Variants in CTDP1 observed in about 807,000 individuals in gnomAD.
CTDP1 encodes the protein RNA polymerase II subunit A C-terminal domain phosphatase.
CTDP1 carries 47 observed loss-of-function variants against 91.8 expected under a neutral mutation model. The ratio of observed to expected loss-of-function variants is 0.51; its 90% CI spans 0.41 to 0.65. The LOEUF (loss-of-function observed/expected upper bound fraction) is 0.65, where lower values mean the gene tolerates loss of function less well. CTDP1 is among the 30% of genes least tolerant of loss of function. The pLI, the probability that CTDP1 is intolerant of heterozygous loss-of-function variation, is 0.00. For missense variants in CTDP1, 1,272 were observed against 1,373.7 expected, an observed-to-expected ratio of 0.93 and a Z score of 1.17; for synonymous variants, 656 against 598.5, an observed-to-expected ratio of 1.10 and a Z score of -1.40.
Position 79,717,528 on chromosome 18 carries a change from CCTGCAGGCACAGAGAAGGTG to C in CTDP1, c.2075_2094del (p.Glu692GlyfsTer11). ...GGAACAGCCTGACGCAGCCGGGTCT[CCTGCAGGCACAGAGAAGGTG>C]CTGCAGGCACAGGAGTGCGGACACC... On this transcript the variant is annotated splice_acceptor_variant and splice_polypyrimidine_tract_variant and coding_sequence_variant and intron_variant, in exon 9 of 13. Coordinates refer to ENST00000613122, the MANE Select transcript of CTDP1 (RefSeq NM_004715.5). LOFTEE classifies it high-confidence loss of function. 1.9e-6 allele frequency: 3 copies of C among 1,612,588 alleles called. No individual in the cohort carries two copies. Among genetic ancestry groups the C allele is most frequent in the African/African-American group, 1.3e-5 (1 of 74,990 alleles).
intron 1 of CTDP1, among the ~76,000 whole-genome samples, chr18:79,684,450 A>G (rs2085442149): frequency 6.6e-6 from 1 of 152,192 alleles, no homozygotes; most frequent in African/African-American, 2.4e-5. Flanking sequence ...CCCTCTATAA[A>G]TAGCAGGTGT....
chr18:79,712,161 G>T (rs1377876593), intron 6 of CTDP1, among the ~76,000 whole-genome samples: 1 of 152,218 alleles, frequency 6.6e-6, no homozygotes, highest in Non-Finnish European at 1.5e-5. Flanking sequence ...AAAGTCACCC[G>T]AAGGCAGAAT....
At position 79,713,197 on chromosome 18, in the gene CTDP1, T is replaced by C; in HGVS notation, c.1030+59T>C. On this transcript the variant is annotated intron_variant, in intron 7 of 12. Coordinates refer to ENST00000613122, the MANE Select transcript of CTDP1 (RefSeq NM_004715.5). The surrounding 1 kb of genome is among the most constrained non-coding windows in gnomAD (Gnocchi z 4.7). ...TTCACATTTGCTTATTGTTTAGCTC[T>C]TCTTATTTCTTATCTCTGTTTTGAC... 1 of 1,484,672 alleles carries C rather than the reference T, an allele frequency of 6.7e-7. No individual in the cohort carries two copies. Among genetic ancestry groups the C allele is most frequent in the South Asian group, 1.2e-5 (1 of 85,512 alleles). The allele number at this position is 1,484,672 out of a possible 1,614,324, so 92.0% of individuals were successfully genotyped here. A position where few individuals can be genotyped will look rare whatever the true frequency, so the allele number is the denominator to read the frequency against.
intron 1 of CTDP1, 30 bp from the exon 2 acceptor site, chr18:79,695,195 A>C: frequency 6.2e-7 from 1 of 1,603,766 alleles, no homozygotes; most frequent in Non-Finnish European, 8.5e-7. Flanking sequence ...AGAGATTTTA[A>C]AGTGTTGTTC....
intron 4 of CTDP1, among the ~76,000 whole-genome samples, chr18:79,699,722 C>G (rs576296062): frequency 3.2e-4 from 48 of 152,244 alleles, no homozygotes; most frequent in African/African-American, 1.0e-3. Flanking sequence ...GTGAGTTTTA[C>G]AGGCACACCT....
chr18:79,706,044 C>T (rs969551348), intron 5 of CTDP1, among the ~76,000 whole-genome samples: 15 of 152,106 alleles, frequency 9.9e-5, no homozygotes, highest in African/African-American at 3.6e-4. Flanking sequence ...TGTGTTAAAA[C>T]CCAGTCCCAG....
rs1025213331 is a variant in CTDP1, at chr18:79,713,901, C to T, written c.1031-590C>T. Reference sequence around the variant, plus strand: ...GCAGGGGCTTACGGCCACGGTGGCGCCAGGTCTGCAGGGGCTTACGGCCAC... The same window carrying T: ...GCAGGGGCTTACGGCCACGGTGGCGTCAGGTCTGCAGGGGCTTACGGCCAC... On this transcript the variant is annotated intron_variant, in intron 7 of 12. Transcript: ENST00000613122. This position sits in a 1 kb window ranked among gnomAD's most constrained non-coding sequence, Gnocchi z 4.7. 1.2e-4 allele frequency among the ~76,000 whole-genome samples: 18 copies of T among 147,598 alleles called. No individual in the cohort carries two copies. Among genetic ancestry groups the T allele is most frequent in the Admixed American group, 1.3e-4 (2 of 14,940 alleles).
Position 79,680,177 on chromosome 18 carries a change from C to T in CTDP1, c.230C>T (p.Ala77Val), listed in dbSNP as rs2122323810. ...GCCTCCGGGGGCTGCGTGCGCCCCG[C>T]GCGGCCGGAACGCAGGCTGAGGTCG... is the stretch of plus-strand genomic sequence containing the variant. ...RVASGGCVRP[A>V]RPERRLRSER... The change falls in exon 1 of 13, where the codon GCG (alanine) becomes GTG (valine). Residue 77 changes from alanine to valine, a missense_variant. Physicochemically the swap from Ala to Val is moderately conservative, Grantham distance 64. Coordinates refer to ENST00000613122, the MANE Select transcript of CTDP1 (RefSeq NM_004715.5). 2.2e-6 allele frequency: 3 copies of T among 1,384,096 alleles called. No individual in the cohort carries two copies. Among genetic ancestry groups the T allele is most frequent in the South Asian group, 3.2e-5 (2 of 61,870 alleles). The allele number at this position is 1,384,096 out of a possible 1,614,324, so 85.7% of individuals were successfully genotyped here.
chr18:79,681,405 A>G, intron 1 of CTDP1: 1 of 956,798 alleles, frequency 1.0e-6, no homozygotes, highest in Non-Finnish European at 1.2e-6. Context: ...TTGTGGAGGC[A>G]GATCCCAATG....
intron 4 of CTDP1, among the ~76,000 whole-genome samples, chr18:79,703,392 A>G (rs1282158056): frequency 1.3e-5 from 2 of 152,180 alleles, no homozygotes; most frequent in East Asian, 3.8e-4. Flanking sequence ...AAAGGATCGA[A>G]GTTTAGCTTC....
rs114108010 is a variant in CTDP1 at position 79,697,666 on chromosome 18, G to A, written c.493-194G>A. ...ATGTATTTAACTGAATTATAAAATT[G>A]TGGTCACAAGCGAGGTTGCCGTGAC... is the stretch of plus-strand genomic sequence containing the variant. On this transcript the variant is annotated intron_variant, in intron 3 of 12. Coordinates refer to ENST00000613122, the MANE Select transcript of CTDP1 (RefSeq NM_004715.5). 7.6e-3 allele frequency among the ~76,000 whole-genome samples: 1,151 copies of A among 152,270 alleles called. 13 individuals carry two copies. The highest frequency in any genetic ancestry group is 0.026 in the African/African-American group (1,097 of 41,552).
intron 1 of CTDP1, among the ~76,000 whole-genome samples, chr18:79,688,190 A>C (rs911713256): frequency 6.6e-6 from 1 of 152,276 alleles, no homozygotes; most frequent in Non-Finnish European, 1.5e-5. Flanking sequence ...ACTGCACTGC[A>C]CTGGACTCCA....
chr18:79,749,479 G>A (rs1199045326), intron 12 of CTDP1, among the ~76,000 whole-genome samples: 3 of 151,728 alleles, frequency 2.0e-5, no homozygotes, highest in Non-Finnish European at 2.9e-5. Flanking sequence ...GCAGGGAGCC[G>A]GGCACCAGAC....
chr18:79,755,206 A>G (rs1023314156), downstream of CTDP1: 2 of 152,346 alleles, frequency 1.3e-5, no homozygotes, highest in East Asian at 3.9e-4. Context: ...GTTACCCAGC[A>G]GCACGCCAGC....
chr18:79,715,505 C>T lies in CTDP1; in HGVS notation c.2045C>T (p.Thr682Met), dbSNP rs867198820. 5 of 1,563,130 alleles carry T rather than the reference C, an allele frequency of 3.2e-6. No homozygotes were observed. The highest frequency in any genetic ancestry group is 2.4e-5 in the East Asian group (1 of 42,284). Residue 682 changes from threonine (T) to methionine (M), a missense_variant, in exon 8 of 13, where the codon ACG becomes ATG. By Grantham distance (81) the Thr-to-Met change is moderately conservative. Around this residue, in one of 3 missense-constraint regions of CTDP1, gnomAD observed 881 missense variants for 911.6 expected, o/e 0.97. Coordinates refer to ENST00000613122, the MANE Select transcript of CTDP1 (RefSeq NM_004715.5). ...VLSPDAPDRA[T>M]HLIAARAGTE... ...AGCCCCGACGCCCCTGACAGGGCCA[C>T]GCACCTGATCGCCGCGCGAGCTGGT...
intron 10 of CTDP1, among the ~76,000 whole-genome samples, 171 bp downstream of exon 10, chr18:79,718,187 T>A (rs906695379): frequency 6.6e-6 from 1 of 152,178 alleles, no homozygotes; most frequent in Admixed American, 6.5e-5. Context: ...CAGTCTTGGG[T>A]CCTTTTGTTT....
chr18:79,727,366 GTTCACGGGATGGAAAGCGCA>G (rs2086471133), intron 10 of CTDP1, among the ~76,000 whole-genome samples: 2 of 152,016 alleles, frequency 1.3e-5, no homozygotes, highest in South Asian at 2.1e-4. Flanking sequence ...GAAGCGTGGC[GTTCACGGGATGGAAAGCGCA>G]GCGTTCACGG....
intron 1 of CTDP1, among the ~76,000 whole-genome samples, chr18:79,681,903 T>G (rs2085377382): frequency 6.6e-6 from 1 of 152,134 alleles, no homozygotes; most frequent in Admixed American, 6.5e-5. Context: ...TCCTGTGGGT[T>G]TGTGTACATG....
At chr18:79,719,384 G>A (rs886837151) in intron 10 of CTDP1, among the ~76,000 whole-genome samples, 40 of 152,014 alleles carry the variant, frequency 2.6e-4, no homozygotes, top group African/African-American at 8.5e-4. Context: ...GCAGCCTGGC[G>A]ACGCTCTGGG....
Sources: allele counts gnomAD v4.1 joint callset (sites outside exome capture counted in the v4.1 genomes callset), GRCh38; gene constraint gnomAD v4.1.1; regional missense constraint gnomAD v4.1.1; non-coding constraint Gnocchi (gnomAD v3.1); transcripts MANE v1.5; gene names NCBI Gene and HGNC (gene_info 2026-07-23, HGNC 2026-07-21).